The following SMARCC2 variants were observed in gnomAD, a reference collection of about 807,000 sequenced individuals.
SMARCC2 encodes the protein SWI/SNF related BAF chromatin remodeling complex subunit C2, also known as SWI/SNF complex subunit SMARCC2.
Under a neutral mutation model 151.3 loss-of-function variants are expected in SMARCC2, and 15 were observed. That is an observed-to-expected ratio of 0.10 (90% confidence interval 0.07 to 0.15). The LOEUF (loss-of-function observed/expected upper bound fraction) is 0.15, where lower values mean the gene tolerates loss of function less well. SMARCC2 is among the 10% of genes least tolerant of loss of function. The pLI, the probability that SMARCC2 is intolerant of heterozygous loss-of-function variation, is 1.00. For missense variants in SMARCC2, 1,031 were observed against 1,599.7 expected, an observed-to-expected ratio of 0.64 and a Z score of 6.06; for synonymous variants, 590 against 609.5, an observed-to-expected ratio of 0.97 and a Z score of 0.47.
At chr12:56,177,988 G>A (rs1169587020) in intron 15 of SMARCC2, 34 bp downstream of exon 15, 2 of 1,421,552 alleles carry the variant, frequency 1.4e-6, no homozygotes, top group Admixed American at 1.8e-5. Flanking sequence ...GGGACAGGAG[G>A]GAGAAGGAGA....
rs956850633 is a variant in SMARCC2, at chr12:56,172,875, G to A, written c.1743+62C>T. On this transcript the variant is annotated intron_variant, in intron 18 of 28. Transcript: ENST00000550164. ...CTCTGCTCTCATGTCTCTTCTTCCC[G>A]GGCAGGGGCCCCCCAATAAAGGGGA... 84 of 1,591,430 alleles carry A rather than the reference G, an allele frequency of 5.3e-5. No individual in the cohort carries two copies. In the Admixed American group the frequency reaches 6.0e-4, roughly 11 times the overall value.
chr12:56,181,520 T>C lies in SMARCC2; in HGVS notation c.918A>G (p.Ser306=). 2 of 1,565,732 alleles carry C rather than the reference T, an allele frequency of 1.3e-6. No homozygotes were observed. The highest frequency in any genetic ancestry group is 8.6e-7 in the Non-Finnish European group (1 of 1,160,178). ...TTTTCTTCTTTGCTTCTGGGGTTGG[T>C]GAAGGAGAGGGGGAGCGCTTCCTCT... The part of the protein sequence containing the change: ...YKKRKRSPSP[S]PTPEAKKKNA... The change falls in exon 10 of 29, where the codon TCA becomes TCG. Residue 306 remains serine, a synonymous_variant. Coordinates refer to ENST00000550164, the MANE Select transcript of SMARCC2 (RefSeq NM_001330288.2).
chr12:56,181,053 C>T lies in SMARCC2; in HGVS notation c.1005G>A (p.Glu335=). Residue 335 remains glutamate (E), a synonymous_variant, in exon 11 of 29, where the codon GAG becomes GAA. Coordinates refer to ENST00000550164, the MANE Select transcript of SMARCC2 (RefSeq NM_001330288.2). ...TKSKRGHREE[E]QEDLTKDMDE... is the part of the protein sequence containing the mutation. ...CCATGTCCTTTGTCAGGTCTTCTTGCTCCTCTTCTCTGTGGCCACGCTTTG... is the reference window on the plus strand; with the variant it reads ...CCATGTCCTTTGTCAGGTCTTCTTGTTCCTCTTCTCTGTGGCCACGCTTTG... The T allele has an allele frequency of 6.2e-7, 1 of 1,613,922 alleles. No individual in the cohort carries two copies. The highest frequency in any genetic ancestry group is 8.5e-7 in the Non-Finnish European group (1 of 1,179,922).
chr12:56,170,570 C>G (rs1354271910), intron 22 of SMARCC2, among the ~76,000 whole-genome samples: 1 of 151,878 alleles, frequency 6.6e-6, no homozygotes, highest in Admixed American at 6.6e-5. Flanking sequence ...GGGCTACAGG[C>G]GCATGCCACC....
At chr12:56,181,642 C>T (rs745743312) in intron 9 of SMARCC2, 45 bp from the exon 10 acceptor site, 1 of 1,612,570 alleles carries the variant, frequency 6.2e-7, no homozygotes. Context: ...ACAATCCCCA[C>T]TGAAGATTTG....
At chr12:56,184,058 G>A in intron 6 of SMARCC2, 117 bp downstream of exon 6, 1 of 1,021,600 alleles carries the variant, frequency 9.8e-7, no homozygotes, top group South Asian at 1.4e-5. Flanking sequence ...ACTTAAGGTG[G>A]TAAGAGGATT....
chr12:56,177,279 G>C (rs181441941), intron 15 of SMARCC2, among the ~76,000 whole-genome samples: 6 of 151,936 alleles, frequency 3.9e-5, no homozygotes, highest in Non-Finnish European at 8.8e-5. Context: ...GGGTCTTGCC[G>C]TGTCAGCCAG....
chr12:56,184,054 G>T, intron 6 of SMARCC2, 121 bp downstream of exon 6: 1 of 1,013,090 alleles, frequency 9.9e-7, no homozygotes, highest in Non-Finnish European at 1.5e-6. Context: ...AGGAACTTAA[G>T]GTGGTAAGAG....
chr12:56,180,170 G>A (rs866736999), intron 11 of SMARCC2, among the ~76,000 whole-genome samples: 36 of 141,936 alleles, frequency 2.5e-4, no homozygotes, highest in Admixed American at 1.4e-4. Flanking sequence ...GTGCAGTGGC[G>A]TGATCTCAGC....
chr12:56,164,683 C>A lies in SMARCC2; in HGVS notation c.3281G>T (p.Gly1094Val). 1 of 1,611,982 alleles carries A rather than the reference C, an allele frequency of 6.2e-7. No homozygotes were observed. ...TGGGTGCCCGCTGCCTGGCACTGCC[C>A]CTGGCATCATTGAGGGAGGAGTTTG... ...NQQTPPSMMP[G>V]AVPGSGHPGV... Residue 1094 changes from glycine to valine, a missense_variant, in exon 28 of 29, where the codon GGG becomes GTG. Coordinates refer to ENST00000550164, the MANE Select transcript of SMARCC2 (RefSeq NM_001330288.2).
At chr12:56,175,737 TGAA>T (rs1399538378) in intron 15 of SMARCC2, among the ~76,000 whole-genome samples, 1 of 152,228 alleles carries the variant, frequency 6.6e-6, no homozygotes, top group Non-Finnish European at 1.5e-5. Flanking sequence ...ATCTGTCAAC[TGAA>T]GATGATATCT....
chr12:56,186,061 T>TC, intron 3 of SMARCC2, 94 bp downstream of exon 3: 1 of 920,426 alleles, frequency 1.1e-6, no homozygotes, highest in Non-Finnish European at 1.7e-6. Context: ...ATAAAGAGAC[T>TC]CACAAGAATT....
rs116781620 is a variant in SMARCC2, at chr12:56,176,294, T to C, written c.1383-1530A>G. ...CAGGAAGAGAAGGAAGAGAGAACCA[T>C]AGCAAGCTATGAAGAAAAAACACGG... On this transcript the variant is annotated intron_variant, in intron 15 of 28. Transcript: ENST00000550164. Among the ~76,000 whole-genome samples, 1,047 of 152,280 alleles carry C rather than the reference T, an allele frequency of 6.9e-3. 7 individuals carry two copies. The highest frequency in any genetic ancestry group is 0.024 in the African/African-American group (993 of 41,554).
At position 56,162,480 on chromosome 12, in the gene SMARCC2, G is replaced by A; in HGVS notation, c.*1209C>T. The A allele has an allele frequency of 1.7e-6, 1 of 578,232 alleles. No individual in the cohort carries two copies. 35.8% of individuals were successfully genotyped at this position (578,232 alleles called of 1,614,324 possible). On this transcript the variant is annotated 3_prime_UTR_variant, in exon 29 of 29. Transcript: ENST00000550164. ...AGACGCAGAGGGAGAGAAACATGGG[G>A]ACATGAGGAACAAAGGGCCTGGTGG...
At chr12:56,180,109 TTTTC>T (rs1444794490) in intron 11 of SMARCC2, among the ~76,000 whole-genome samples, 43 of 152,026 alleles carry the variant, frequency 2.8e-4, no homozygotes, top group African/African-American at 1.0e-3. Flanking sequence ...ATACATTTTT[TTTTC>T]TTTTTTTTTA....
chr12:56,174,729 T>C lies in SMARCC2; in HGVS notation c.1418A>G (p.Tyr473Cys). ...LAYRNFMIDT[Y>C]RLNPQEYLTS... is the part of the protein sequence containing the mutation. The stretch of plus-strand genomic sequence containing the variant: ...AAGATACTCTTGGGGGTTCAGTCGG[T>C]AAGTGTCAATCATAAAGTTTCGATA... Residue 473 changes from tyrosine (Y) to cysteine (C), a missense_variant, in exon 16 of 29, where the codon TAC becomes TGC. This residue lies in a region of SMARCC2 where 51 missense variants were observed against 135.1 expected (regional missense o/e 0.38). Coordinates refer to ENST00000550164, the MANE Select transcript of SMARCC2 (RefSeq NM_001330288.2). 1 of 1,613,708 alleles carries C rather than the reference T, an allele frequency of 6.2e-7. No homozygotes were observed. The highest frequency in any genetic ancestry group is 8.5e-7 in the Non-Finnish European group (1 of 1,179,804).
chr12:56,176,797 C>T (rs953444718), intron 15 of SMARCC2, among the ~76,000 whole-genome samples: 9 of 151,954 alleles, frequency 5.9e-5, no homozygotes, highest in South Asian at 2.1e-4. Context: ...CATGCCACCA[C>T]GCCCGGCTAA....
In SMARCC2 at chr12:56,172,399, A is replaced by G. The variant is rs191741302; in HGVS notation, c.1926+29T>C. The G allele has an allele frequency of 6.5e-6, 10 of 1,536,724 alleles. No individual in the cohort carries two copies. In the African/African-American group the frequency reaches 9.7e-5, roughly 15 times the overall value. On this transcript the variant is annotated intron_variant, in intron 20 of 28. Transcript: ENST00000550164. ...ACGGAGCCCACTTCTGTTTTCAGAG[A>G]AAAACTCTCTTTTCTTTGCCCCAAT...
At chr12:56,189,132 C>T (rs948532437) in intron 1 of SMARCC2, among the ~76,000 whole-genome samples, 1 of 144,482 alleles carries the variant, frequency 6.9e-6, no homozygotes, top group Non-Finnish European at 1.5e-5. Flanking sequence ...GCAGAGGGCG[C>T]AGCAGTGGGG....
Sources: allele counts gnomAD v4.1 joint callset (sites outside exome capture counted in the v4.1 genomes callset), GRCh38; gene constraint gnomAD v4.1.1; regional missense constraint gnomAD v4.1.1; transcripts MANE v1.5; gene names NCBI Gene and HGNC (gene_info 2026-07-23, HGNC 2026-07-21).